The following XPC variants were observed in gnomAD, a reference collection of about 807,000 sequenced individuals.
The protein encoded by XPC is XPC complex subunit, DNA damage recognition and repair factor, also known as DNA repair protein complementing XP-C cells.
XPC carries 76 observed loss-of-function variants against 95.8 expected under a neutral mutation model. The observed-to-expected ratio is 0.79, with a 90% CI of 0.66 to 0.96. XPC has a LOEUF of 0.96. Ranked by LOEUF, XPC falls within the 40% of genes least tolerant of loss-of-function variation. The pLI is 0.00. For missense variants in XPC, 1,146 were observed against 1,179.8 expected, an observed-to-expected ratio of 0.97 and a Z score of 0.42; for synonymous variants, 442 against 442.1, an observed-to-expected ratio of 1.00 and a Z score of 0.00.
Position 14,158,782 on chromosome 3 carries a change from T to G in XPC, c.1101A>C (p.Lys367Asn). The change falls in exon 9 of 16, where the codon AAA (lysine) becomes AAC (asparagine). Residue 367 changes from lysine to asparagine, a missense_variant. By Grantham distance (94) the Lys-to-Asn change is moderately conservative (BLOSUM62 0). Transcript: ENST00000285021. This position sits in a 1 kb window ranked among gnomAD's most constrained non-coding sequence, Gnocchi z 5.2. ...TGCCCTTAGCAAAGGTTTCCTCTTG[T>G]TTGGTTCCTTTGCTGGTCTTTGGTT... ...HTKPKTSKGT[K>N]QEETFAKGTC... 6.2e-7 allele frequency: 1 copy of G among 1,613,966 alleles called. No individual in the cohort carries two copies. Among genetic ancestry groups the G allele is most frequent in the Non-Finnish European group, 8.5e-7 (1 of 1,179,876 alleles).
At chr3:14,177,765 A>T (rs1046246339) in intron 1 of XPC, among the ~76,000 whole-genome samples, 1 of 151,666 alleles carries the variant, frequency 6.6e-6, no homozygotes, top group Non-Finnish European at 1.5e-5. Context: ...GCCAGTAAAG[A>T]GGAAACTGCA....
At chr3:14,169,566 G>A (rs1280314916) in intron 3 of XPC, among the ~76,000 whole-genome samples, 1 of 152,220 alleles carries the variant, frequency 6.6e-6, no homozygotes, top group Admixed American at 6.5e-5. Flanking sequence ...TTGGATCTTG[G>A]TATGGAAAAA....
chr3:14,173,059 G>A lies in XPC; in HGVS notation c.107C>T (p.Ala36Val), dbSNP rs1331120157. ...KARREEEEED[A>V]FEDEKPPKKS... ...CTTTGGGGGTTTCTCATCTTCAAAG[G>A]CATCTAGGTGACAACACAGAACATA... The change falls in exon 2 of 16, where the codon GCC (alanine) becomes GTC (valine). Residue 36 changes from alanine to valine, a missense_variant. Physicochemically the swap from Ala to Val is moderately conservative, Grantham distance 64. Transcript: ENST00000285021. The A allele has an allele frequency of 3.8e-6, 6 of 1,571,872 alleles. No homozygotes were observed. Among genetic ancestry groups the A allele is most frequent in the Non-Finnish European group, 5.2e-6 (6 of 1,159,732 alleles).
At chr3:14,157,808 C>T (rs776353305) in intron 9 of XPC, among the ~76,000 whole-genome samples, 2 of 152,150 alleles carry the variant, frequency 1.3e-5, no homozygotes, top group Non-Finnish European at 2.9e-5. Flanking sequence ...TCAAGCACCG[C>T]GGCAGTTCAT....
At position 14,168,329 on chromosome 3, in the gene XPC, C is replaced by T. The variant is rs767501069; in HGVS notation, c.464G>A (p.Arg155Gln). The T allele has an allele frequency of 5.6e-6, 9 of 1,613,792 alleles. No homozygotes were observed. Among genetic ancestry groups the T allele is most frequent in the East Asian group, 2.2e-5 (1 of 44,892 alleles). Residue 155 changes from arginine (R) to glutamine (Q), a missense_variant, in exon 4 of 16, where the codon CGA becomes CAA. Transcript: ENST00000285021. ...GDVRESTAFSRSLLPVKPVEI... is the reference protein window; with the variant it reads ...GDVRESTAFSQSLLPVKPVEI... Reference sequence around the variant, plus strand: ...CACTGGCTTCACAGGCAGAAGAGATCGAGAGAAGGCTGTACTTTCTCTCAC... The same window carrying T: ...CACTGGCTTCACAGGCAGAAGAGATTGAGAGAAGGCTGTACTTTCTCTCAC...
intron 10 of XPC, among the ~76,000 whole-genome samples, chr3:14,153,831 C>T (rs1005706653): frequency 2.0e-5 from 3 of 152,196 alleles, no homozygotes; most frequent in Non-Finnish European, 4.4e-5. Context: ...CTGGGAGGAC[C>T]AGACGTTTCC....
chr3:14,165,673 G>T, intron 5 of XPC, 88 bp from the exon 6 acceptor site: 1 of 1,486,768 alleles, frequency 6.7e-7, no homozygotes, highest in African/African-American at 1.4e-5. Context: ...GACATGCTGT[G>T]GACAAGAAAT....
chr3:14,174,748 T>C (rs1696746933), intron 1 of XPC, among the ~76,000 whole-genome samples: 1 of 152,136 alleles, frequency 6.6e-6, no homozygotes, highest in South Asian at 2.1e-4. Context: ...GCAAAGTTGA[T>C]TTTACAGTAT....
At chr3:14,168,720 A>G (rs1696493174) in intron 3 of XPC, among the ~76,000 whole-genome samples, 1 of 152,178 alleles carries the variant, frequency 6.6e-6, no homozygotes. Flanking sequence ...ACTCTTTAAA[A>G]AAAAAAAACC....
At chr3:14,176,020 T>C (rs925847049) in intron 1 of XPC, among the ~76,000 whole-genome samples, 1 of 152,210 alleles carries the variant, frequency 6.6e-6, no homozygotes, top group Non-Finnish European at 1.5e-5. Flanking sequence ...CTAACATGGG[T>C]AAAGCTAAAG....
intron 10 of XPC, 37 bp downstream of exon 10, chr3:14,156,298 A>G (rs961372030): frequency 6.3e-7 from 1 of 1,587,672 alleles, no homozygotes; most frequent in Non-Finnish European, 8.6e-7. Context: ...CCATGCCATC[A>G]GGAAGCCCCT....
chr3:14,159,231 C>CA (rs1306140977), intron 8 of XPC, among the ~76,000 whole-genome samples: 1 of 152,334 alleles, frequency 6.6e-6, no homozygotes, highest in East Asian at 1.9e-4. Context: ...CTCCGAGTTT[C>CA]AGTTTCCTCA....
intron 2 of XPC, among the ~76,000 whole-genome samples, chr3:14,171,642 C>T (rs867591778): frequency 3.9e-5 from 6 of 152,196 alleles, no homozygotes; most frequent in Middle Eastern, 6.8e-3. Context: ...GTCAGGAGTT[C>T]GACACCAACA....
Position 14,164,898 on chromosome 3 carries a change from GAA to G in XPC, c.813_814del (p.Ala273GlnfsTer2). ...CTGCAGGTTATCTTGTTCACTGGCT[GAA>G]AGTTCTGCATTAACTGTAAATGTTC... On this transcript the variant is annotated frameshift_variant, in exon 7 of 16. Transcript: ENST00000285021. LOFTEE classifies it high-confidence loss of function. 1 of 1,612,562 alleles carries G rather than the reference GAA, an allele frequency of 6.2e-7. No homozygotes were observed. Among genetic ancestry groups the G allele is most frequent in the Non-Finnish European group, 8.5e-7 (1 of 1,179,208 alleles).
Position 14,173,082 on chromosome 3 carries a change from A to G in XPC, c.104-20T>C. On this transcript the variant is annotated intron_variant, in intron 1 of 15. Coordinates refer to ENST00000285021, the MANE Select transcript of XPC (RefSeq NM_004628.5). Reference sequence around the variant, plus strand: ...AGGCATCTAGGTGACAACACAGAACATAAGGTGAGGGGTGGAAGGAAAGGT... The same window carrying G: ...AGGCATCTAGGTGACAACACAGAACGTAAGGTGAGGGGTGGAAGGAAAGGT... The G allele has an allele frequency of 1.3e-6, 2 of 1,526,438 alleles. No individual in the cohort carries two copies. Among genetic ancestry groups the G allele is most frequent in the Admixed American group, 2.2e-5 (1 of 45,718 alleles). 94.6% of individuals were successfully genotyped at this position (1,526,438 alleles called of 1,614,324 possible). A position where few individuals can be genotyped will look rare whatever the true frequency, so the allele number is the denominator to read the frequency against.
At position 14,145,830 on chromosome 3, in the gene XPC, C is replaced by T; in HGVS notation, c.*111G>A. On this transcript the variant is annotated 3_prime_UTR_variant, in exon 16 of 16. Transcript: ENST00000285021. ...CTCCGTGCATGCTGCCTCAGTTTGC[C>T]TTCTCAGCAGAGAAGCCCCCACCAC... The T allele has an allele frequency of 7.3e-7, 1 of 1,375,446 alleles. No individual in the cohort carries two copies. The highest frequency in any genetic ancestry group is 2.4e-5 in the East Asian group (1 of 42,446). 85.2% of individuals were successfully genotyped at this position (1,375,446 alleles called of 1,614,324 possible).
chr3:14,146,258 C>T, intron 15 of XPC, 99 bp from the exon 16 acceptor site: 1 of 1,112,608 alleles, frequency 9.0e-7, no homozygotes, highest in African/African-American at 1.5e-5. Flanking sequence ...CTGCCCTAAG[C>T]TGTGTAACTC....
chr3:14,160,855 A>G (rs905383407), intron 7 of XPC, among the ~76,000 whole-genome samples: 4 of 152,204 alleles, frequency 2.6e-5, no homozygotes, highest in Non-Finnish European at 4.4e-5. Context: ...CCACTAGCTG[A>G]GTGACTTCCC....
intron 1 of XPC, 148 bp downstream of exon 1, chr3:14,178,318 C>T: frequency 1.1e-6 from 1 of 906,316 alleles, no homozygotes; most frequent in Non-Finnish European, 1.6e-6. Flanking sequence ...CGGGGAGGGC[C>T]GGCCGCAGCC....
Sources: allele counts gnomAD v4.1 joint callset (sites outside exome capture counted in the v4.1 genomes callset), GRCh38; gene constraint gnomAD v4.1.1; non-coding constraint Gnocchi (gnomAD v3.1); transcripts MANE v1.5; gene names NCBI Gene and HGNC (gene_info 2026-07-23, HGNC 2026-07-21).